Variants in UBE2E2 observed in about 807,000 individuals in gnomAD.
UBE2E2 encodes the protein ubiquitin conjugating enzyme E2 E2, also known as ubiquitin-conjugating enzyme E2 E2.
Under a neutral mutation model 24.7 loss-of-function variants are expected in UBE2E2, and 6 were observed. That is an observed-to-expected ratio of 0.24 (90% confidence interval 0.13 to 0.48). The LOEUF is 0.48. Ranked by LOEUF, UBE2E2 falls within the 20% of genes least tolerant of loss-of-function variation. The probability of loss-of-function intolerance (pLI) is 0.99; values close to 1 mark genes in which losing one functional copy is unlikely to be tolerated. For synonymous variants in UBE2E2, 104 were observed against 83.6 expected (o/e 1.24, Z -1.33); for missense variants, 169 against 245.0 (o/e 0.69, Z 2.07).
In UBE2E2 at chr3:23,289,808, A is replaced by G. The variant is rs73823444; in HGVS notation, c.227+72496A>G. ...GGTGTCTACCAGTGACATTACATTA[A>G]AGCTTTTCATAATCGAGTTGTGGTA... On this transcript the variant is annotated intron_variant, in intron 3 of 5. Coordinates refer to ENST00000396703, the MANE Select transcript of UBE2E2 (RefSeq NM_152653.4). 5.1e-3 allele frequency among the ~76,000 whole-genome samples: 772 copies of G among 152,346 alleles called. 7 individuals are homozygous for G. The highest frequency in any genetic ancestry group is 0.017 in the African/African-American group (720 of 41,580).
intron 3 of UBE2E2, among the ~76,000 whole-genome samples, chr3:23,263,857 G>A (rs994779607): frequency 2.6e-5 from 4 of 151,850 alleles, no homozygotes; most frequent in East Asian, 1.9e-4. Context: ...AAATTTTGGC[G>A]AAACTGCATA....
At chr3:23,543,592 T>G (rs369768250) in intron 5 of UBE2E2, among the ~76,000 whole-genome samples, 2 of 152,010 alleles carry the variant, frequency 1.3e-5, no homozygotes, top group African/African-American at 2.4e-5. Flanking sequence ...TGGAAATACA[T>G]TTCATGTTCA....
intron 5 of UBE2E2, among the ~76,000 whole-genome samples, chr3:23,582,920 CTCTT>C (rs1696521588): frequency 6.8e-6 from 1 of 147,716 alleles, no homozygotes; most frequent in Admixed American, 6.7e-5. Flanking sequence ...TGTGCAGACT[CTCTT>C]TCATTTAATT....
intron 3 of UBE2E2, among the ~76,000 whole-genome samples, chr3:23,496,936 C>T (rs1045328744): frequency 6.6e-6 from 1 of 152,046 alleles, no homozygotes; most frequent in African/African-American, 2.4e-5. Flanking sequence ...TGACAAGAAG[C>T]CTTACTCATA....
chr3:23,216,499 T>C (rs1441180277), intron 2 of UBE2E2, among the ~76,000 whole-genome samples: 1 of 152,152 alleles, frequency 6.6e-6, no homozygotes, highest in African/African-American at 2.4e-5. Flanking sequence ...TTTGAGAATT[T>C]TTTGGTATTT....
chr3:23,332,674 G>GGT (rs3086989), intron 3 of UBE2E2, among the ~76,000 whole-genome samples: 9,270 of 107,810 alleles, frequency 0.086, 287 homozygotes, highest in African/African-American at 0.11. Flanking sequence ...CAGCCAGTGG[G>GGT]GTGTGTGTGT....
At chr3:23,235,591 C>G (rs1697082960) in intron 3 of UBE2E2, among the ~76,000 whole-genome samples, 1 of 152,054 alleles carries the variant, frequency 6.6e-6, no homozygotes, top group Non-Finnish European at 1.5e-5. Context: ...TGCTGACAGT[C>G]ATCAGGTGAG....
At chr3:23,567,137 C>T (rs1696094133) in intron 5 of UBE2E2, among the ~76,000 whole-genome samples, 1 of 152,322 alleles carries the variant, frequency 6.6e-6, no homozygotes, top group Non-Finnish European at 1.5e-5. Flanking sequence ...ACAAGCCATT[C>T]CCCCTTTTCT....
At chr3:23,490,175 A>G (rs1458566792) in intron 3 of UBE2E2, among the ~76,000 whole-genome samples, 1 of 152,196 alleles carries the variant, frequency 6.6e-6, no homozygotes, top group Non-Finnish European at 1.5e-5. Flanking sequence ...TTATAAAAAA[A>G]TTGAACTCTA....
intron 3 of UBE2E2, among the ~76,000 whole-genome samples, chr3:23,456,821 C>A (rs925372552): frequency 6.6e-6 from 1 of 152,204 alleles, no homozygotes; most frequent in Non-Finnish European, 1.5e-5. Flanking sequence ...TCTGCATTAG[C>A]CCCTAACAAG....
chr3:23,352,796 A>G (rs1179002619), intron 3 of UBE2E2, among the ~76,000 whole-genome samples: 1 of 152,228 alleles, frequency 6.6e-6, no homozygotes, highest in Non-Finnish European at 1.5e-5. Flanking sequence ...GCCGAATTCT[A>G]CCAGAGGTAC....
Position 23,521,776 on chromosome 3 carries a change from ATTC to A in UBE2E2, c.361-10768_361-10766del, listed in dbSNP as rs199976721. On this transcript the variant is annotated intron_variant, in intron 4 of 5. Transcript: ENST00000396703. ...TATATTTTATATGTAGCTCAAGACGATTCTTCTTCTTCCAATGTAGCCCAGGAA... is the reference window on the plus strand; with the variant it reads ...TATATTTTATATGTAGCTCAAGACGATTCTTCTTCCAATGTAGCCCAGGAA... Among the ~76,000 whole-genome samples, 489 of 152,238 alleles carry A rather than the reference ATTC, an allele frequency of 3.2e-3. 8 individuals are homozygous for A. The highest frequency in any genetic ancestry group is 0.014 in the Admixed American group (210 of 15,284).
chr3:23,239,240 G>T (rs1452296137), intron 3 of UBE2E2, among the ~76,000 whole-genome samples: 3 of 152,112 alleles, frequency 2.0e-5, no homozygotes, highest in Non-Finnish European at 4.4e-5. Context: ...CTTGTCTCAT[G>T]CCCTAAGAAG....
chr3:23,257,073 G>A (rs1697745736), intron 3 of UBE2E2, among the ~76,000 whole-genome samples: 1 of 152,180 alleles, frequency 6.6e-6, no homozygotes, highest in South Asian at 2.1e-4. Flanking sequence ...TGCTTTTATG[G>A]ACCATGTATT....
At chr3:23,290,586 G>A (rs937916375) in intron 3 of UBE2E2, among the ~76,000 whole-genome samples, 1 of 151,912 alleles carries the variant, frequency 6.6e-6, no homozygotes, top group Non-Finnish European at 1.5e-5. Context: ...CTGAGTAACT[G>A]GGATTATAGG....
chr3:23,542,868 C>T (rs1354957575), intron 5 of UBE2E2, among the ~76,000 whole-genome samples: 1 of 152,164 alleles, frequency 6.6e-6, no homozygotes, highest in African/African-American at 2.4e-5. Flanking sequence ...GGGATTTAGC[C>T]TTGGCTTTGA....
At chr3:23,585,879 A>C (rs959031613) in intron 5 of UBE2E2, among the ~76,000 whole-genome samples, 2 of 150,476 alleles carry the variant, frequency 1.3e-5, no homozygotes, top group African/African-American at 2.5e-5. Flanking sequence ...TCAACAAAAA[A>C]AAAAAATTAT....
intron 5 of UBE2E2, among the ~76,000 whole-genome samples, chr3:23,539,076 AT>A (rs1427295341): frequency 1.3e-5 from 2 of 152,172 alleles, no homozygotes; most frequent in African/African-American, 2.4e-5. Context: ...AGTCAAAAGG[AT>A]TCATCCTCTT....
At chr3:23,573,326 C>T (rs1371235282) in intron 5 of UBE2E2, among the ~76,000 whole-genome samples, 2 of 152,120 alleles carry the variant, frequency 1.3e-5, no homozygotes, top group Non-Finnish European at 2.9e-5. Context: ...AAACATGCAT[C>T]AAACCAGAAA....
Sources: allele counts gnomAD v4.1 joint callset (sites outside exome capture counted in the v4.1 genomes callset), GRCh38; gene constraint gnomAD v4.1.1; transcripts MANE v1.5; gene names NCBI Gene and HGNC (gene_info 2026-07-23, HGNC 2026-07-21).